Variants in UGT1A7 observed in about 807,000 individuals in gnomAD.
UGT1A7 encodes UDP glucuronosyltransferase family 1 member A7, also known as UDP-glucuronosyltransferase 1A7.
Under a neutral mutation model 45.6 loss-of-function variants are expected in UGT1A7, and 33 were observed. That is an observed-to-expected ratio of 0.72 (90% CI 0.55 to 0.97). The LOEUF (loss-of-function observed/expected upper bound fraction) is 0.97, where lower values mean the gene tolerates loss of function less well. Among genes scored for constraint, UGT1A7 ranks in the 50% least tolerant of loss-of-function variants. The pLI, the probability that UGT1A7 is intolerant of heterozygous loss-of-function variation, is 0.00. For synonymous variants in UGT1A7, 274 were observed against 250.6 expected (o/e 1.09, Z -0.88); for missense variants, 684 against 666.2 (o/e 1.03, Z -0.29).
intron 4 of UGT1A7, chr2:233,770,359 G>A (rs1272591854): frequency 6.6e-6 from 1 of 152,118 alleles, no homozygotes; most frequent in Non-Finnish European, 1.5e-5. Context: ...TTGAATGAAT[G>A]AATGAAAGTT....
chr2:233,742,808 G>A (rs1235624978), intron 1 of UGT1A7: 1 of 153,400 alleles, frequency 6.5e-6, no homozygotes, highest in Non-Finnish European at 1.4e-5. Flanking sequence ...CAGAAGTATT[G>A]ATATTATTTG....
intron 1 of UGT1A7, among the ~76,000 whole-genome samples, chr2:233,751,757 T>C (rs763533308): frequency 6.6e-6 from 1 of 152,222 alleles, no homozygotes; most frequent in Non-Finnish European, 1.5e-5. Flanking sequence ...CTTGCTGCCA[T>C]GTGAGACATG....
chr2:233,739,478 C>G (rs945148386), intron 1 of UGT1A7, among the ~76,000 whole-genome samples: 1 of 152,180 alleles, frequency 6.6e-6, no homozygotes, highest in African/African-American at 2.4e-5. Flanking sequence ...ACCGTGGGAG[C>G]CCATTTCTGG....
intron 1 of UGT1A7, chr2:233,747,691 T>G (rs1693753923): frequency 1.2e-6 from 2 of 1,611,090 alleles, no homozygotes; most frequent in Non-Finnish European, 1.7e-6. Context: ...TGTGGGGCAG[T>G]GCTGGCTAAG....
At chr2:233,761,315 C>T (rs1196056744) in intron 1 of UGT1A7, among the ~76,000 whole-genome samples, 1 of 152,360 alleles carries the variant, frequency 6.6e-6, no homozygotes, top group East Asian at 1.9e-4. Flanking sequence ...TCTTTGGCAT[C>T]ATCTTCTGGA....
chr2:233,688,461 T>C (rs1202418900), intron 1 of UGT1A7, among the ~76,000 whole-genome samples: 1 of 152,198 alleles, frequency 6.6e-6, no homozygotes, highest in Non-Finnish European at 1.5e-5. Context: ...ACAGGAAACT[T>C]CTTGGGAAAT....
At chr2:233,771,921 C>T (rs1320163418) in intron 4 of UGT1A7, among the ~76,000 whole-genome samples, 1 of 151,966 alleles carries the variant, frequency 6.6e-6, no homozygotes, top group East Asian at 1.9e-4. Context: ...AGTAACACAG[C>T]CTGGGCAACA....
chr2:233,726,873 G>A (rs1410865062), intron 1 of UGT1A7, among the ~76,000 whole-genome samples: 1 of 151,998 alleles, frequency 6.6e-6, no homozygotes, highest in Non-Finnish European at 1.5e-5. Context: ...TATTCTCCAG[G>A]CTTCAGAGCT....
At chr2:233,744,133 C>T in intron 1 of UGT1A7, 1 of 354,200 alleles carries the variant, frequency 2.8e-6, no homozygotes, top group Non-Finnish European at 5.4e-6. Context: ...TCTGTGAGGC[C>T]CTGTGATGCT....
chr2:233,690,618 A>C, intron 1 of UGT1A7: 1 of 1,288,742 alleles, frequency 7.8e-7, no homozygotes, highest in Non-Finnish European at 1.0e-6. Flanking sequence ...TTGCCTGGAC[A>C]CTCAAGTGAT....
Position 233,748,426 on chromosome 2 carries a change from G to A in UGT1A7, c.856-18608G>A, listed in dbSNP as rs1479085626. Among the ~76,000 whole-genome samples the A allele has an allele frequency of 3.3e-5, 5 of 151,758 alleles. 1 individual carries two copies. The highest frequency in any genetic ancestry group is 7.3e-5 in the African/African-American group (3 of 41,072). ...CACTACATTGAGACTTGACCCATCTGGATTTTTTGTTTGCACAATTTTCAG... is the reference window on the plus strand; with the variant it reads ...CACTACATTGAGACTTGACCCATCTAGATTTTTTGTTTGCACAATTTTCAG... On this transcript the variant is annotated intron_variant, in intron 1 of 4. Transcript: ENST00000373426.
intron 1 of UGT1A7, among the ~76,000 whole-genome samples, chr2:233,730,329 G>A (rs1170762971): frequency 1.3e-5 from 2 of 152,172 alleles, no homozygotes; most frequent in Non-Finnish European, 2.9e-5. Context: ...GGGACACTAC[G>A]TTTGGAACTG....
chr2:233,767,857 G>C lies in UGT1A7; in HGVS notation c.996G>C (p.Trp332Cys). The C allele has an allele frequency of 6.2e-7, 1 of 1,614,112 alleles. No individual in the cohort carries two copies. Among genetic ancestry groups the C allele is most frequent in the Non-Finnish European group, 8.5e-7 (1 of 1,180,034 alleles). The change falls in exon 3 of 5, where the codon TGG becomes TGC. Residue 332 changes from tryptophan to cysteine, a missense_variant. By Grantham distance (215) the Trp-to-Cys change is radical (BLOSUM62 -2). Transcript: ENST00000373426. ...ALGKIPQTVL[W>C]RYTGTRPSNL... The stretch of plus-strand genomic sequence containing the variant: ...CTTTTTGCCCCTCCCAGGTCCTGTG[G>C]CGGTACACTGGAACCCGACCATCGA...
chr2:233,747,973 T>C, intron 1 of UGT1A7: 1 of 1,613,528 alleles, frequency 6.2e-7, no homozygotes, highest in East Asian at 2.2e-5. Flanking sequence ...CATGCATCTG[T>C]GTGGCTGTTC....
chr2:233,719,403 C>T, intron 1 of UGT1A7: 1 of 1,613,982 alleles, frequency 6.2e-7, no homozygotes, highest in African/African-American at 1.3e-5. Flanking sequence ...CTCCTATATT[C>T]CTAAGTTACT....
At position 233,730,729 on chromosome 2, in the gene UGT1A7, C is replaced by T. The variant is rs45468195; in HGVS notation, c.856-36305C>T. ...GAATGCTGAAATTATCAAGAAATGG[C>T]GGAAGGGGCTAGGGAGGAGATAAGA... On this transcript the variant is annotated intron_variant, in intron 1 of 4. Transcript: ENST00000373426. Among the ~76,000 whole-genome samples the T allele has an allele frequency of 9.2e-3, 1,399 of 152,090 alleles. 32 individuals carry two copies. The highest frequency in any genetic ancestry group is 0.032 in the African/African-American group (1,309 of 41,466).
At chr2:233,713,005 T>C (rs1170643319) in intron 1 of UGT1A7, 6 of 1,613,446 alleles carry the variant, frequency 3.7e-6, no homozygotes, top group Non-Finnish European at 5.1e-6. Flanking sequence ...GCCACAGGAC[T>C]CCAGGTTCCC....
Position 233,682,770 on chromosome 2 carries a change from A to T in UGT1A7, c.833A>T (p.His278Leu), listed in dbSNP as rs532150245. 39 of 1,613,604 alleles carry T rather than the reference A, an allele frequency of 2.4e-5. 1 individual carries two copies. The South Asian group carries it at 4.0e-4, about 16-fold the overall frequency. Reference protein sequence around the residue: ...NMIFIGGINCHQGKPVPMEFE... With the variant: ...NMIFIGGINCLQGKPVPMEFE... The stretch of plus-strand genomic sequence containing the variant: ...ATCTTCATTGGTGGTATCAACTGTC[A>T]TCAGGGAAAGCCAGTGCCTATGGTA... Residue 278 changes from histidine (H) to leucine (L), a missense_variant, in exon 1 of 5, where the codon CAT (histidine) becomes CTT (leucine). By Grantham distance (99) the His-to-Leu change is moderately conservative. Transcript: ENST00000373426.
chr2:233,755,076 T>C (rs28900391), intron 1 of UGT1A7: 18,622 of 1,334,942 alleles, frequency 0.014, 367 homozygotes, highest in South Asian at 0.045. Context: ...ATAGCGGTCA[T>C]AGATATCGCG....
Sources: gnomAD v4.1 joint callset for allele counts (sites outside exome capture counted in the v4.1 genomes callset) on GRCh38, gnomAD v4.1.1 for gene constraint, MANE v1.5 for transcripts, NCBI Gene and HGNC (gene_info 2026-07-23, HGNC 2026-07-21) for gene names.